ME1: variants seen among roughly 807,000 people sequenced by gnomAD.
The protein encoded by ME1 is malic enzyme 1.
ME1 carries 74 observed loss-of-function variants against 66.4 expected under a neutral mutation model. That is an observed-to-expected ratio of 1.11 (90% confidence interval 0.92 to 1.35). The LOEUF is 1.35. Among genes scored for constraint, ME1 ranks in the 40% most tolerant of loss-of-function variants. The probability of loss-of-function intolerance (pLI) is 0.00; values close to 1 mark genes in which losing one functional copy is unlikely to be tolerated. For missense variants in ME1, 750 were observed against 694.1 expected, an observed-to-expected ratio of 1.08 and a Z score of -0.90; for synonymous variants, 251 against 235.6, an observed-to-expected ratio of 1.07 and a Z score of -0.60.
At chr6:83,406,840 T>G (rs1440006534) in intron 2 of ME1, among the ~76,000 whole-genome samples, 1 of 152,142 alleles carries the variant, frequency 6.6e-6, no homozygotes, top group Non-Finnish European at 1.5e-5. Context: ...GCCAGCACAC[T>G]GCCTTTGGAC....
rs576882602 is a variant in ME1, at chr6:83,331,628, C to A, written c.600+14545G>T. Among the ~76,000 whole-genome samples the A allele has an allele frequency of 1.9e-4, 29 of 150,012 alleles. No individual in the cohort carries two copies. In the South Asian group the frequency reaches 3.7e-3, roughly 19 times the overall value. On this transcript the variant is annotated intron_variant, in intron 5 of 13. Transcript: ENST00000369705. ...AAGAGGAAATTAGGATACAGACATA[C>A]ACAGAAGAAAAACTGTATGAAGACA...
At chr6:83,428,456 C>G (rs1770415075) in intron 1 of ME1, among the ~76,000 whole-genome samples, 1 of 152,064 alleles carries the variant, frequency 6.6e-6, no homozygotes, top group Non-Finnish European at 1.5e-5. Flanking sequence ...TGCAGCTACC[C>G]AAAGGTAAAT....
chr6:83,259,068 G>T (rs1039401095), intron 6 of ME1, among the ~76,000 whole-genome samples: 1 of 152,108 alleles, frequency 6.6e-6, no homozygotes, highest in African/African-American at 2.4e-5. Context: ...AACTGATCAA[G>T]AATTCACTGT....
intron 6 of ME1, among the ~76,000 whole-genome samples, chr6:83,257,952 CTG>C (rs939157238): frequency 8.5e-5 from 13 of 152,128 alleles, no homozygotes; most frequent in African/African-American, 3.1e-4. Flanking sequence ...GAGCAGAACT[CTG>C]TGGTCTCAGT....
intron 6 of ME1, among the ~76,000 whole-genome samples, chr6:83,309,899 G>A (rs530975055): frequency 1.3e-5 from 2 of 152,092 alleles, no homozygotes; most frequent in Admixed American, 1.3e-4. Flanking sequence ...GCAAAGAGAA[G>A]AAATTCTGTA....
intron 12 of ME1, among the ~76,000 whole-genome samples, chr6:83,218,057 A>G (rs1790025964): frequency 6.6e-6 from 1 of 152,222 alleles, no homozygotes. Flanking sequence ...TAATAAACTC[A>G]TCATTTAACT....
At chr6:83,399,331 C>A (rs1203099041) in intron 2 of ME1, among the ~76,000 whole-genome samples, 1 of 152,092 alleles carries the variant, frequency 6.6e-6, no homozygotes, top group Non-Finnish European at 1.5e-5. Context: ...GAATAAAGAA[C>A]CATAAACTTA....
intron 3 of ME1, among the ~76,000 whole-genome samples, chr6:83,361,317 T>C (rs956938711): frequency 5.3e-5 from 8 of 152,182 alleles, no homozygotes; most frequent in African/African-American, 1.9e-4. Flanking sequence ...ATTTGGCCCC[T>C]CCTACAACCA....
intron 6 of ME1, among the ~76,000 whole-genome samples, chr6:83,268,030 A>G (rs1002101218): frequency 2.0e-5 from 3 of 152,160 alleles, no homozygotes; most frequent in African/African-American, 7.2e-5. Context: ...GGCATGCTCT[A>G]TAAAGAAAAT....
chr6:83,243,408 A>C (rs1388100621), intron 7 of ME1, among the ~76,000 whole-genome samples: 1 of 60,246 alleles, frequency 1.7e-5, no homozygotes, highest in Non-Finnish European at 3.1e-5. Context: ...AATATATTAT[A>C]TAATTAGATT....
At chr6:83,388,513 G>C (rs1769558364) in intron 3 of ME1, among the ~76,000 whole-genome samples, 1 of 152,088 alleles carries the variant, frequency 6.6e-6, no homozygotes, top group South Asian at 2.1e-4. Flanking sequence ...CACCATTTGA[G>C]AATATCTACT....
At chr6:83,422,338 T>C (rs1770284521) in intron 1 of ME1, among the ~76,000 whole-genome samples, 1 of 152,074 alleles carries the variant, frequency 6.6e-6, no homozygotes, top group South Asian at 2.1e-4. Flanking sequence ...ACTTGCAAAA[T>C]CACCTAACCA....
intron 3 of ME1, among the ~76,000 whole-genome samples, chr6:83,354,071 G>T (rs1768844318): frequency 6.6e-6 from 1 of 151,858 alleles, no homozygotes; most frequent in African/African-American, 2.4e-5. Context: ...ACTGTTTCAG[G>T]GCTCTATACT....
intron 3 of ME1, among the ~76,000 whole-genome samples, chr6:83,367,219 C>T (rs1046545600): frequency 6.6e-6 from 1 of 152,086 alleles, no homozygotes; most frequent in African/African-American, 2.4e-5. Flanking sequence ...AACAGTAAAT[C>T]ATGCTGTAAA....
At chr6:83,239,337 G>GA (rs1002799310) in intron 8 of ME1, among the ~76,000 whole-genome samples, 1 of 151,904 alleles carries the variant, frequency 6.6e-6, no homozygotes. Flanking sequence ...TTAAAACTGT[G>GA]AAAAATATCT....
intron 3 of ME1, chr6:83,393,235 A>G (rs1769660018): frequency 2.6e-6 from 3 of 1,138,342 alleles, no homozygotes; most frequent in Non-Finnish European, 4.0e-6. Context: ...GGCTACTCTG[A>G]GCACCAGGTG....
intron 6 of ME1, among the ~76,000 whole-genome samples, chr6:83,309,627 G>A (rs1273646861): frequency 2.0e-5 from 3 of 152,098 alleles, no homozygotes; most frequent in African/African-American, 7.2e-5. Context: ...GTTTTACCAC[G>A]TGATTCTGAA....
At chr6:83,296,771 T>C (rs1460331347) in intron 6 of ME1, among the ~76,000 whole-genome samples, 1 of 152,164 alleles carries the variant, frequency 6.6e-6, no homozygotes. Context: ...GTAAACACCA[T>C]TTTCTCAGTC....
intron 1 of ME1, among the ~76,000 whole-genome samples, chr6:83,430,076 A>G (rs1018911267): frequency 2.0e-5 from 3 of 152,184 alleles, no homozygotes; most frequent in Non-Finnish European, 4.4e-5. Context: ...AAATGTTACC[A>G]GGATCCGAAA....
Sources: gnomAD v4.1 joint callset for allele counts (sites outside exome capture counted in the v4.1 genomes callset) on GRCh38, gnomAD v4.1.1 for gene constraint, MANE v1.5 for transcripts, NCBI Gene and HGNC (gene_info 2026-07-23, HGNC 2026-07-21) for gene names.